The following ZNF514 variants were observed in gnomAD, a reference collection of about 807,000 sequenced individuals.
The protein encoded by ZNF514 is zinc finger protein 514.
ZNF514 carries 12 observed loss-of-function variants against 9.7 expected under a neutral mutation model. That is an observed-to-expected ratio of 1.24 (90% CI 0.79 to 2.01). The LOEUF (loss-of-function observed/expected upper bound fraction) is 2.01. Among genes scored for constraint, ZNF514 ranks in the 30% most tolerant of loss-of-function variants. ZNF514 has a pLI of 0.00. For synonymous variants in ZNF514, 158 were observed against 163.7 expected (o/e 0.97, Z 0.27); for missense variants, 467 against 465.5 (o/e 1.00, Z -0.03).
the ZNF514 span, among the ~76,000 whole-genome samples, chr2:95,129,056 T>G: frequency 2.0e-5 from 3 of 152,242 alleles, no homozygotes; most frequent in African/African-American, 7.2e-5. Context: ...GGGCCTACAC[T>G]TCCGTCAGTC....
the ZNF514 span, among the ~76,000 whole-genome samples, chr2:95,130,707 T>C: frequency 6.6e-6 from 1 of 152,264 alleles, no homozygotes; most frequent in East Asian, 1.9e-4. Flanking sequence ...TTATCTCTCT[T>C]ATTCCCTGAA....
chr2:95,123,263 CT>C, the ZNF514 span, among the ~76,000 whole-genome samples: 1 of 152,228 alleles, frequency 6.6e-6, no homozygotes. Flanking sequence ...TCTTCACATT[CT>C]GGGCTGAAGT....
At chr2:95,123,666 G>C in the ZNF514 span, among the ~76,000 whole-genome samples, 1 of 152,202 alleles carries the variant, frequency 6.6e-6, no homozygotes, top group Non-Finnish European at 1.5e-5. Flanking sequence ...GCATGTTCAG[G>C]TCCTGCTCCA....
chr2:95,127,770 G>A, the ZNF514 span, among the ~76,000 whole-genome samples: 4 of 151,974 alleles, frequency 2.6e-5, no homozygotes, highest in Non-Finnish European at 4.4e-5. Flanking sequence ...CACCACGCCC[G>A]GCTAATTTTT....
chr2:95,133,285 G>A, the ZNF514 span, among the ~76,000 whole-genome samples: 3 of 152,128 alleles, frequency 2.0e-5, no homozygotes, highest in Non-Finnish European at 4.4e-5. Context: ...AGTGAGCTGC[G>A]ACAACACCAC....
chr2:95,149,950 A>C lies in ZNF514; in HGVS notation c.535T>G (p.Tyr179Asp). ...TGCCTGAATTCTGTATCACATTTAT[A>C]AGATCCTTCTCCCATGAGAATGCTG... ...QHSILMGEGS[Y>D]KCDTEFRQTL... is the part of the protein sequence containing the mutation. The change falls in exon 5 of 5, where the codon TAT becomes GAT. Residue 179 changes from tyrosine (Y) to aspartate (D), a missense_variant. Physicochemically the swap from Tyr to Asp is radical, Grantham distance 160. Transcript: ENST00000295208. 1 of 1,614,226 alleles carries C rather than the reference A, an allele frequency of 6.2e-7. No individual in the cohort carries two copies. The highest frequency in any genetic ancestry group is 8.5e-7 in the Non-Finnish European group (1 of 1,180,048).
the ZNF514 span, among the ~76,000 whole-genome samples, chr2:95,132,539 C>T: frequency 8.5e-5 from 13 of 152,152 alleles, no homozygotes; most frequent in Admixed American, 1.3e-4. Context: ...AAAATGGTAC[C>T]GCCATTCTGG....
At chr2:95,158,804 C>G in intron 1 of ZNF514, 1 of 1,258,866 alleles carries the variant, frequency 7.9e-7, no homozygotes, top group Non-Finnish European at 1.0e-6. Context: ...CTTCAGCCTT[C>G]TGGGTCTGGA....
chr2:95,141,360 AC>A (rs1673211232), downstream of ZNF514, among the ~76,000 whole-genome samples: 1 of 152,102 alleles, frequency 6.6e-6, no homozygotes, highest in Non-Finnish European at 1.5e-5. Context: ...ATTTTCAGAA[AC>A]CCTTGCACTC....
intron 1 of ZNF514, among the ~76,000 whole-genome samples, chr2:95,157,769 T>C (rs1294688412): frequency 3.3e-5 from 5 of 152,124 alleles, no homozygotes; most frequent in Non-Finnish European, 2.9e-5. Context: ...AATATAAATA[T>C]GGAAAAGAAC....
At chr2:95,139,333 C>G in the ZNF514 span, among the ~76,000 whole-genome samples, 2 of 152,212 alleles carry the variant, frequency 1.3e-5, no homozygotes, top group Non-Finnish European at 2.9e-5. Flanking sequence ...GGTAGAGCCA[C>G]CAGCAGCTTG....
downstream of ZNF514, among the ~76,000 whole-genome samples, chr2:95,144,762 G>A (rs1673320408): frequency 6.6e-6 from 1 of 152,164 alleles, no homozygotes; most frequent in African/African-American, 2.4e-5. Context: ...AAGGTAGCCT[G>A]GGAACTCCCA....
At chr2:95,153,057 C>T in intron 3 of ZNF514, 76 bp downstream of exon 3, 1 of 1,550,746 alleles carries the variant, frequency 6.4e-7, no homozygotes, top group South Asian at 1.2e-5. Context: ...GCCAACCAGC[C>T]CAGACACCAC....
intron 4 of ZNF514, among the ~76,000 whole-genome samples, chr2:95,151,827 A>G (rs994346126): frequency 6.6e-6 from 1 of 152,224 alleles, no homozygotes; most frequent in African/African-American, 2.4e-5. Context: ...GACTAGATCC[A>G]GATGTCAGAC....
At chr2:95,131,489 C>T in the ZNF514 span, among the ~76,000 whole-genome samples, 3 of 152,170 alleles carry the variant, frequency 2.0e-5, no homozygotes, top group Admixed American at 2.0e-4. Flanking sequence ...CCCTATGTTG[C>T]CCAGTGGGCA....
chr2:95,129,761 A>G, the ZNF514 span, among the ~76,000 whole-genome samples: 1 of 152,110 alleles, frequency 6.6e-6, no homozygotes, highest in African/African-American at 2.4e-5. Flanking sequence ...GCCCAGTAGG[A>G]GAGAGAGTCC....
rs1673403951 is a variant in ZNF514, at chr2:95,147,779, C to G, written c.*1503G>C. On this transcript the variant is annotated 3_prime_UTR_variant, in exon 5 of 5. Transcript: ENST00000295208. ...TCAGCCTTCCAAGTAGCTGGGACTA[C>G]AGGCGCCCGCCACCATGCCTGGCTA... 2 of 151,950 alleles carry G rather than the reference C, an allele frequency of 1.3e-5. No individual in the cohort carries two copies. Among genetic ancestry groups the G allele is most frequent in the Non-Finnish European group, 2.9e-5 (2 of 68,038 alleles). 9.4% of individuals were successfully genotyped at this position (151,950 alleles called of 1,614,324 possible).
At chr2:95,152,578 A>G (rs371605139) in intron 4 of ZNF514, 96 bp downstream of exon 4, 1 of 973,244 alleles carries the variant, frequency 1.0e-6, no homozygotes. Context: ...AAGTGATCTC[A>G]TCTTCTGAAA....
downstream of ZNF514, among the ~76,000 whole-genome samples, chr2:95,141,626 G>A (rs1402440887): frequency 6.6e-6 from 1 of 152,154 alleles, no homozygotes; most frequent in Non-Finnish European, 1.5e-5. Flanking sequence ...TCTTTATAAT[G>A]TTAAATCATA....
Sources: allele counts gnomAD v4.1 joint callset (sites outside exome capture counted in the v4.1 genomes callset), GRCh38; gene constraint gnomAD v4.1.1; transcripts MANE v1.5; gene names NCBI Gene and HGNC (gene_info 2026-07-23, HGNC 2026-07-21).